The following GRID2 variants were observed in gnomAD, a reference collection of about 807,000 sequenced individuals.
GRID2 encodes glutamate ionotropic receptor delta type subunit 2.
Under a neutral mutation model 114.8 loss-of-function variants are expected in GRID2, and 33 were observed. The observed-to-expected ratio is 0.29, with a 90% confidence interval of 0.22 to 0.38. The LOEUF (loss-of-function observed/expected upper bound fraction) is 0.38. Ranked by LOEUF, GRID2 falls within the 10% of genes least tolerant of loss-of-function variation. The pLI, the probability that GRID2 is intolerant of heterozygous loss-of-function variation, is 1.00. For missense variants in GRID2, 1,184 were observed against 1,257.7 expected (o/e 0.94, Z 0.89); for synonymous variants, 505 against 449.9 (o/e 1.12, Z -1.55).
intron 14 of GRID2, among the ~76,000 whole-genome samples, chr4:93,741,693 C>T (rs1385623399): frequency 3.3e-5 from 5 of 151,974 alleles, no homozygotes; most frequent in Non-Finnish European, 2.9e-5. Context: ...CTTGGGAGGC[C>T]GAGGCGGGCC....
chr4:92,732,546 C>T (rs1050750418), intron 2 of GRID2, among the ~76,000 whole-genome samples: 1 of 152,042 alleles, frequency 6.6e-6, no homozygotes, highest in African/African-American at 2.4e-5. Context: ...TTAGCTTGGA[C>T]ATGATTAGAC....
chr4:93,414,494 A>G (rs1279934968), intron 9 of GRID2, among the ~76,000 whole-genome samples: 1 of 151,924 alleles, frequency 6.6e-6, no homozygotes, highest in Non-Finnish European at 1.5e-5. Context: ...TAGCCACGCT[A>G]GTGTCTCTTC....
intron 1 of GRID2, among the ~76,000 whole-genome samples, chr4:92,323,191 T>G (rs1264831327): frequency 6.6e-6 from 1 of 152,114 alleles, no homozygotes; most frequent in African/African-American, 2.4e-5. Context: ...AACCAACAGT[T>G]TTGATCATTT....
At chr4:93,400,456 A>T (rs1356428342) in intron 9 of GRID2, among the ~76,000 whole-genome samples, 1 of 152,106 alleles carries the variant, frequency 6.6e-6, no homozygotes, top group Non-Finnish European at 1.5e-5. Context: ...GGAATTATGA[A>T]GATTTTCCCG....
At chr4:92,831,565 A>G (rs973910482) in intron 2 of GRID2, among the ~76,000 whole-genome samples, 1 of 151,702 alleles carries the variant, frequency 6.6e-6, no homozygotes, top group Non-Finnish European at 1.5e-5. Flanking sequence ...CCTTATCTAT[A>G]AAATGATTCC....
rs1410989139 is a variant in GRID2 at position 92,605,475 on chromosome 4, T to C, written c.244+15189T>C. Among the ~76,000 whole-genome samples the C allele has an allele frequency of 3.3e-5, 5 of 152,174 alleles. No individual in the cohort carries two copies. The South Asian group carries it at 1.0e-3, about 32-fold the overall frequency. ...AGATCTAGAAAAGTTGATAATTTTA[T>C]TTATAGTGGAAACAAGTGACATAAA... On this transcript the variant is annotated intron_variant, in intron 2 of 15. Coordinates refer to ENST00000282020, the MANE Select transcript of GRID2 (RefSeq NM_001510.4).
chr4:92,342,860 T>C (rs574714219), intron 1 of GRID2, among the ~76,000 whole-genome samples: 10 of 152,296 alleles, frequency 6.6e-5, no homozygotes, highest in Admixed American at 2.0e-4. Context: ...TCACAAACTA[T>C]ATCCTGGGAA....
intron 4 of GRID2, among the ~76,000 whole-genome samples, chr4:93,130,655 A>G (rs895320881): frequency 2.6e-5 from 4 of 152,166 alleles, no homozygotes; most frequent in Non-Finnish European, 5.9e-5. Context: ...TTTAAAATCT[A>G]TCACCAGTAT....
intron 2 of GRID2, among the ~76,000 whole-genome samples, chr4:92,921,273 A>T (rs556357850): frequency 6.6e-6 from 1 of 151,842 alleles, no homozygotes; most frequent in African/African-American, 2.4e-5. Flanking sequence ...AAGGTTTTTA[A>T]CTTCTTTACC....
At chr4:92,807,530 A>C (rs1740476816) in intron 2 of GRID2, among the ~76,000 whole-genome samples, 1 of 152,026 alleles carries the variant, frequency 6.6e-6, no homozygotes, top group African/African-American at 2.4e-5. Flanking sequence ...CAAATGAAGA[A>C]TATGTGAATA....
At chr4:93,678,531 G>T (rs1268390874) in intron 14 of GRID2, among the ~76,000 whole-genome samples, 1 of 151,916 alleles carries the variant, frequency 6.6e-6, no homozygotes, top group African/African-American at 2.4e-5. Context: ...CAGAGAGAAA[G>T]GTCCGGTTAC....
intron 4 of GRID2, among the ~76,000 whole-genome samples, chr4:93,143,701 A>G (rs184776664): frequency 5.3e-5 from 8 of 152,332 alleles, no homozygotes; most frequent in African/African-American, 1.9e-4. Context: ...ATTTTCATTT[A>G]TTTAAGACTT....
intron 2 of GRID2, among the ~76,000 whole-genome samples, chr4:93,003,396 A>C (rs1362676927): frequency 1.3e-5 from 2 of 151,948 alleles, no homozygotes; most frequent in Non-Finnish European, 2.9e-5. Context: ...AACCTGTCTA[A>C]CACAAATGGT....
At position 93,434,296 on chromosome 4, in the gene GRID2, G is replaced by A. The variant is rs951885904; in HGVS notation, c.1545+11328G>A. On this transcript the variant is annotated intron_variant, in intron 10 of 15. Coordinates refer to ENST00000282020, the MANE Select transcript of GRID2 (RefSeq NM_001510.4). Reference sequence around the variant, plus strand: ...GGGAAGTGAGAGAAAGACCAAAGCCGAGAATAATGGTTTCCAGCTTCATCC... The same window carrying A: ...GGGAAGTGAGAGAAAGACCAAAGCCAAGAATAATGGTTTCCAGCTTCATCC... Among the ~76,000 whole-genome samples, 9 of 152,096 alleles carry A rather than the reference G, an allele frequency of 5.9e-5. No homozygotes were observed. In the East Asian group the frequency reaches 7.7e-4, roughly 13 times the overall value.
At chr4:93,032,938 A>G (rs1173002563) in intron 2 of GRID2, among the ~76,000 whole-genome samples, 3 of 152,226 alleles carry the variant, frequency 2.0e-5, no homozygotes, top group Non-Finnish European at 4.4e-5. Flanking sequence ...GAAAGCTACT[A>G]TAATTCTTAT....
At chr4:93,073,986 A>G (rs1729045226) in intron 2 of GRID2, among the ~76,000 whole-genome samples, 2 of 152,192 alleles carry the variant, frequency 1.3e-5, no homozygotes, top group African/African-American at 2.4e-5. Context: ...AGGACCCAAG[A>G]CTCACAGAGG....
chr4:93,298,377 C>A (rs1304549837), intron 8 of GRID2, among the ~76,000 whole-genome samples: 1 of 152,164 alleles, frequency 6.6e-6, no homozygotes, highest in Admixed American at 6.5e-5. Context: ...AGGTTACAGA[C>A]CGCCAACTCC....
chr4:93,485,039 A>G (rs1726248370), intron 11 of GRID2, among the ~76,000 whole-genome samples: 1 of 151,886 alleles, frequency 6.6e-6, no homozygotes, highest in Non-Finnish European at 1.5e-5. Flanking sequence ...AATCCCAACA[A>G]CAGGGTACAA....
intron 1 of GRID2, among the ~76,000 whole-genome samples, chr4:92,454,304 G>A (rs548227621): frequency 4.7e-4 from 72 of 152,166 alleles, no homozygotes; most frequent in African/African-American, 1.6e-3. Context: ...ACAGAGAAAA[G>A]TACTTAACTA....
Sources: gnomAD v4.1 joint callset for allele counts (sites outside exome capture counted in the v4.1 genomes callset) on GRCh38, gnomAD v4.1.1 for gene constraint, MANE v1.5 for transcripts, NCBI Gene and HGNC (gene_info 2026-07-23, HGNC 2026-07-21) for gene names.